The following PIGL variants were observed in gnomAD, a reference collection of about 807,000 sequenced individuals.
PIGL encodes the protein N-acetylglucosaminyl-phosphatidylinositol de-N-acetylase.
PIGL carries 22 observed loss-of-function variants against 31.1 expected under a neutral mutation model. The ratio of observed to expected loss-of-function variants is 0.71; its 90% CI spans 0.51 to 1.01. PIGL has a LOEUF of 1.01. PIGL is among the 50% of genes least tolerant of loss of function. The pLI, the probability that PIGL is intolerant of heterozygous loss-of-function variation, is 0.00. For synonymous variants in PIGL, 131 were observed against 117.4 expected (o/e 1.12, Z -0.75); for missense variants, 302 against 315.9 (o/e 0.96, Z 0.33).
At chr17:16,280,083 G>A (rs1417736355) in intron 2 of PIGL, among the ~76,000 whole-genome samples, 1 of 152,212 alleles carries the variant, frequency 6.6e-6, no homozygotes, top group Non-Finnish European at 1.5e-5. Flanking sequence ...AAAAACATAT[G>A]CATCACTGAG....
At chr17:16,308,731 AG>A (rs2093036294) in intron 3 of PIGL, among the ~76,000 whole-genome samples, 1 of 150,100 alleles carries the variant, frequency 6.7e-6, no homozygotes, top group South Asian at 2.1e-4. Context: ...AAAATTAGCC[AG>A]GTATGGTGGC....
intron 2 of PIGL, among the ~76,000 whole-genome samples, chr17:16,234,982 C>G (rs1198580351): frequency 2.6e-5 from 4 of 152,084 alleles, no homozygotes; most frequent in African/African-American, 9.7e-5. Flanking sequence ...CACTGATTAT[C>G]GAGACTTTAC....
At chr17:16,239,398 G>A (rs924111157) in intron 2 of PIGL, among the ~76,000 whole-genome samples, 6 of 151,790 alleles carry the variant, frequency 4.0e-5, no homozygotes, top group East Asian at 2.0e-4. Context: ...CAGGAGAATC[G>A]CTTGAACCCA....
At chr17:16,236,648 G>A (rs1024594849) in intron 2 of PIGL, among the ~76,000 whole-genome samples, 3 of 151,460 alleles carry the variant, frequency 2.0e-5, no homozygotes, top group African/African-American at 4.9e-5. Flanking sequence ...GCTCACTGTA[G>A]CCTCTGCCTC....
chr17:16,306,724 T>C lies in PIGL; in HGVS notation c.426+6746T>C, dbSNP rs560970520. Reference sequence around the variant, plus strand: ...TTGTATTTTTAGTAGAGACGGGGTTTCTCCATATTGATCAGGCTGGTCTCG... The same window carrying C: ...TTGTATTTTTAGTAGAGACGGGGTTCCTCCATATTGATCAGGCTGGTCTCG... On this transcript the variant is annotated intron_variant, in intron 3 of 6. Transcript: ENST00000225609. 2.6e-5 allele frequency among the ~76,000 whole-genome samples: 4 copies of C among 152,098 alleles called. No homozygotes were observed. In the East Asian group the frequency reaches 7.7e-4, roughly 29 times the overall value.
intron 2 of PIGL, among the ~76,000 whole-genome samples, chr17:16,277,156 T>G (rs2092899381): frequency 6.6e-6 from 1 of 152,222 alleles, no homozygotes; most frequent in South Asian, 2.1e-4. Context: ...AGACAATGTA[T>G]GAGGCCAGTT....
At chr17:16,260,654 C>T (rs2092815538) in intron 2 of PIGL, among the ~76,000 whole-genome samples, 1 of 152,066 alleles carries the variant, frequency 6.6e-6, no homozygotes, top group Non-Finnish European at 1.5e-5. Context: ...CAGCTGGATA[C>T]TCGTTGGGAT....
intron 3 of PIGL, among the ~76,000 whole-genome samples, chr17:16,310,690 C>T (rs1040838805): frequency 6.6e-6 from 1 of 152,162 alleles, no homozygotes; most frequent in African/African-American, 2.4e-5. Context: ...GTGCCCACCA[C>T]CACGCCCAGC....
intron 2 of PIGL, among the ~76,000 whole-genome samples, chr17:16,235,029 A>G (rs1427901800): frequency 6.6e-6 from 1 of 152,146 alleles, no homozygotes; most frequent in African/African-American, 2.4e-5. Flanking sequence ...CCCTAACTTA[A>G]CATCTTTTGT....
intron 2 of PIGL, among the ~76,000 whole-genome samples, chr17:16,271,528 A>G (rs2092872264): frequency 6.6e-6 from 1 of 150,878 alleles, no homozygotes; most frequent in East Asian, 1.9e-4. Context: ...CAAATTTCAC[A>G]TAGAACACTT....
intron 6 of PIGL, among the ~76,000 whole-genome samples, chr17:16,319,180 A>G (rs7224367): frequency 0.56 from 79,670 of 141,292 alleles, 22,990 homozygotes; most frequent in African/African-American, 0.68. Context: ...AACCCTGATC[A>G]TACCACTGCA....
intron 2 of PIGL, among the ~76,000 whole-genome samples, chr17:16,296,609 CAAAA>C (rs1163605216): frequency 9.5e-6 from 1 of 105,628 alleles, no homozygotes; most frequent in African/African-American, 3.6e-5. Flanking sequence ...GACTCCATCT[CAAAA>C]AAAAAAAAGA....
intron 2 of PIGL, among the ~76,000 whole-genome samples, chr17:16,267,871 G>A (rs1014043276): frequency 6.6e-6 from 1 of 152,070 alleles, no homozygotes. Flanking sequence ...ACTAGCCATG[G>A]TAAAGAAGGT....
At position 16,306,518 on chromosome 17, in the gene PIGL, C is replaced by T. The variant is rs937538747; in HGVS notation, c.426+6540C>T. 6.4e-5 allele frequency among the ~76,000 whole-genome samples: 9 copies of T among 140,918 alleles called. No homozygotes were observed. In the South Asian group the frequency reaches 6.8e-4, roughly 11 times the overall value. 92.4% of individuals were successfully genotyped at this position (140,918 alleles called of 152,430 possible). ...ATCAGAACCAGGTGTTTGAGTTATA[C>T]GATCTTTTTTTTTTTTTTTTTTTTC... On this transcript the variant is annotated intron_variant, in intron 3 of 6. Transcript: ENST00000225609.
intron 5 of PIGL, chr17:16,317,515 A>G: frequency 8.2e-7 from 1 of 1,215,778 alleles, no homozygotes; most frequent in Non-Finnish European, 1.0e-6. Context: ...CCAGATCTCA[A>G]CCTCTAGCAG....
intron 2 of PIGL, among the ~76,000 whole-genome samples, chr17:16,257,113 T>A (rs1443135826): frequency 1.3e-5 from 2 of 151,756 alleles, no homozygotes; most frequent in Non-Finnish European, 2.9e-5. Flanking sequence ...AAAAAATTAA[T>A]GTCCTTAAAA....
At chr17:16,276,269 T>C (rs565789427) in intron 2 of PIGL, among the ~76,000 whole-genome samples, 1 of 152,192 alleles carries the variant, frequency 6.6e-6, no homozygotes, top group African/African-American at 2.4e-5. Context: ...CAAGTTGATA[T>C]GGGGTCACTA....
In PIGL at chr17:16,320,887, G is replaced by A. The variant is rs574110449; in HGVS notation, c.660+2979G>A. Reference sequence around the variant, plus strand: ...TGACCGCAGGTGATCTACCCACCTCGGCCTCCCAAAGTGCTGGGATTACAG... The same window carrying A: ...TGACCGCAGGTGATCTACCCACCTCAGCCTCCCAAAGTGCTGGGATTACAG... On this transcript the variant is annotated intron_variant, in intron 6 of 6. Transcript: ENST00000225609. Among the ~76,000 whole-genome samples the A allele has an allele frequency of 2.7e-5, 4 of 150,678 alleles. No individual in the cohort carries two copies. In the South Asian group the frequency reaches 8.4e-4, roughly 32 times the overall value.
intron 2 of PIGL, among the ~76,000 whole-genome samples, chr17:16,235,435 CTTTTTTTTTTT>C (rs903174807): frequency 1.1e-5 from 1 of 90,924 alleles, no homozygotes; most frequent in South Asian, 3.5e-4. Flanking sequence ...TGTCTACGTT[CTTTTTTTTTTT>C]TTTTTTTTTT....
Sources: allele counts gnomAD v4.1 joint callset (sites outside exome capture counted in the v4.1 genomes callset), GRCh38; gene constraint gnomAD v4.1.1; transcripts MANE v1.5; gene names NCBI Gene and HGNC (gene_info 2026-07-23, HGNC 2026-07-21).